The following WNT8A variants were observed in gnomAD, a reference collection of about 807,000 sequenced individuals.
The protein encoded by WNT8A is protein Wnt-8a.
A neutral mutation model predicts 20.5 loss-of-function variants in WNT8A; 14 were observed. The observed-to-expected ratio is 0.68, with a 90% CI of 0.45 to 1.07. The LOEUF is 1.07. WNT8A is among the 50% of genes least tolerant of loss of function. The probability of loss-of-function intolerance (pLI) is 0.00; values close to 1 mark genes in which losing one functional copy is unlikely to be tolerated. For synonymous variants in WNT8A, 167 were observed against 169.2 expected (o/e 0.99, Z 0.10); for missense variants, 397 against 462.9 (o/e 0.86, Z 1.31).
Position 138,090,463 on chromosome 5 carries a change from C to T in WNT8A, c.565-65C>T, listed in dbSNP as rs142036858. On this transcript the variant is annotated intron_variant, in intron 4 of 4. Transcript: ENST00000506684. The stretch of plus-strand genomic sequence containing the variant: ...AAGAAACACAGCTCTAAAACATTCC[C>T]TTTAATCACTAACCTTTGGTCTTCC... 1,029 of 1,437,172 alleles carry T rather than the reference C, an allele frequency of 7.2e-4. 6 individuals carry two copies. The Middle Eastern group carries it at 0.02, about 28-fold the overall frequency. The allele number at this position is 1,437,172 out of a possible 1,614,324, so 89.0% of individuals were successfully genotyped here. A position where few individuals can be genotyped will look rare whatever the true frequency, so the allele number is the denominator to read the frequency against.
chr5:138,092,309 A>G (rs1236587239), downstream of WNT8A: 1 of 152,256 alleles, frequency 6.6e-6, no homozygotes, highest in Non-Finnish European at 1.5e-5. Context: ...GACACTGGTC[A>G]ACAGGAAAAC....
chr5:138,079,473 T>A (rs577713962), upstream of WNT8A, among the ~76,000 whole-genome samples: 1 of 151,916 alleles, frequency 6.6e-6, no homozygotes, highest in East Asian at 1.9e-4. Context: ...CCATTATATC[T>A]ATATGACAGA....
In WNT8A at chr5:138,090,796, C is replaced by A; in HGVS notation, c.833C>A (p.Thr278Asn). Residue 278 changes from threonine to asparagine, a missense_variant, in exon 5 of 5, where the codon ACC becomes AAC. Coordinates refer to ENST00000506684, the MANE Select transcript of WNT8A (RefSeq NM_001300939.2). ...IFLEESPDYC[T>N]CNSSLGIYGT... is the part of the protein sequence containing the mutation. Reference sequence around the variant, plus strand: ...TTAGAGGAATCACCAGATTACTGTACCTGCAATTCCAGCCTGGGCATCTAT... The same window carrying A: ...TTAGAGGAATCACCAGATTACTGTAACTGCAATTCCAGCCTGGGCATCTAT... 6.2e-7 allele frequency: 1 copy of A among 1,614,214 alleles called. No individual in the cohort carries two copies. The highest frequency in any genetic ancestry group is 8.5e-7 in the Non-Finnish European group (1 of 1,180,046).
chr5:138,077,530 A>C, the WNT8A span, among the ~76,000 whole-genome samples: 1,244 of 152,274 alleles, frequency 8.2e-3, 19 homozygotes, highest in African/African-American at 0.028. Flanking sequence ...ATAAATGCAT[A>C]TTTCTCTGAA....
the WNT8A span, among the ~76,000 whole-genome samples, chr5:138,077,887 T>G: frequency 6.6e-6 from 1 of 152,076 alleles, no homozygotes; most frequent in Non-Finnish European, 1.5e-5. Flanking sequence ...AGAAACATAC[T>G]TGGCAACACA....
At position 138,084,599 on chromosome 5, in the gene WNT8A, T is replaced by C. The variant is rs1466101834; in HGVS notation, c.258T>C (p.Asn86=). ...FAWERWNCPE[N]ALQLSTHNRL... Reference sequence around the variant, plus strand: ...GGGAACGCTGGAACTGCCCTGAAAATGCTCTTCAGCTCTCCACCCACAACA... The same window carrying C: ...GGGAACGCTGGAACTGCCCTGAAAACGCTCTTCAGCTCTCCACCCACAACA... Residue 86 remains asparagine (N), a synonymous_variant, in exon 2 of 5, where the codon AAT becomes AAC. Transcript: ENST00000506684. The C allele has an allele frequency of 6.2e-7, 1 of 1,613,192 alleles. No individual in the cohort carries two copies. The highest frequency in any genetic ancestry group is 1.7e-5 in the Admixed American group (1 of 59,862).
chr5:138,086,689 G>A (rs769744495), intron 2 of WNT8A, among the ~76,000 whole-genome samples: 6 of 151,120 alleles, frequency 4.0e-5, no homozygotes, highest in Admixed American at 2.6e-4. Context: ...GATTGCTTGC[G>A]CCCAGGAGTT....
At chr5:138,082,555 G>A (rs1750534638), upstream of WNT8A, among the ~76,000 whole-genome samples, 1 of 151,488 alleles carries the variant, frequency 6.6e-6, no homozygotes. Flanking sequence ...TCCAGCCCGG[G>A]TGACAAGAGT....
At chr5:138,085,328 G>T (rs1403955669) in intron 2 of WNT8A, among the ~76,000 whole-genome samples, 1 of 152,214 alleles carries the variant, frequency 6.6e-6, no homozygotes, top group Admixed American at 6.5e-5. Context: ...TGGGGAAAGG[G>T]CTGTGTGTTT....
At chr5:138,087,738 T>C (rs1750716894) in intron 2 of WNT8A, 68 bp from the exon 3 acceptor site, 7 of 1,553,882 alleles carry the variant, frequency 4.5e-6, no homozygotes, top group Non-Finnish European at 6.1e-6. Context: ...CAGTATTATT[T>C]TTCCAAAGCC....
chr5:138,090,956 C>T lies in WNT8A; in HGVS notation c.993C>T (p.Asn331=). The T allele has an allele frequency of 1.2e-6, 2 of 1,614,210 alleles. No homozygotes were observed. The change falls in exon 5 of 5, where the codon AAC becomes AAT. Residue 331 remains asparagine (N), a synonymous_variant. Coordinates refer to ENST00000506684, the MANE Select transcript of WNT8A (RefSeq NM_001300939.2). The part of the protein sequence containing the change: ...ERKTEVISSC[N]CKFQWCCTVK... ...AAACTGAGGTCATAAGCAGCTGTAA[C>T]TGCAAATTCCAGTGGTGCTGTACGG...
intron 2 of WNT8A, among the ~76,000 whole-genome samples, chr5:138,086,851 A>G (rs1379541765): frequency 1.4e-5 from 2 of 147,990 alleles, no homozygotes; most frequent in Admixed American, 1.4e-4. Flanking sequence ...TCTGGCCAAC[A>G]TGGTGAAACC....
chr5:138,091,838 A>ACACTCCAGCCTGGGCAACAG (rs71765841), downstream of WNT8A, among the ~76,000 whole-genome samples: 4 of 136,214 alleles, frequency 2.9e-5, no homozygotes, highest in Admixed American at 7.7e-5. Context: ...AAAATAAATA[A>ACACTCCAGCCTGGGCAACAG]ATAAATAAAT....
downstream of WNT8A, chr5:138,091,591 TTATCCCCCAAG>T: frequency 5.1e-6 from 5 of 985,732 alleles, no homozygotes; most frequent in South Asian, 7.5e-5. Context: ...GTTGGATTTT[TTATCCCCCAAG>T]TATGCACTTT....
chr5:138,090,563 T>G lies in WNT8A; in HGVS notation c.600T>G (p.Cys200Trp). 1 of 1,614,144 alleles carries G rather than the reference T, an allele frequency of 6.2e-7. No individual in the cohort carries two copies. The highest frequency in any genetic ancestry group is 2.2e-5 in the East Asian group (1 of 44,890). Residue 200 changes from cysteine (C) to tryptophan (W), a missense_variant, in exon 5 of 5, where the codon TGT becomes TGG. Cys to Trp is a radical substitution (Grantham distance 215). Transcript: ENST00000506684. ...CCACCATGAAAAGGACATGCAAATG[T>G]CATGGCATCTCTGGGAGCTGCAGCA... ...VRATMKRTCK[C>W]HGISGSCSIQ...
chr5:138,085,646 C>T (rs561622054), intron 2 of WNT8A, among the ~76,000 whole-genome samples: 2 of 151,944 alleles, frequency 1.3e-5, no homozygotes, highest in African/African-American at 2.4e-5. Context: ...TTCAGGAGTT[C>T]GAGACCAGCC....
At chr5:138,078,395 C>T in the WNT8A span, among the ~76,000 whole-genome samples, 1 of 152,202 alleles carries the variant, frequency 6.6e-6, no homozygotes, top group Non-Finnish European at 1.5e-5. Flanking sequence ...TCCACCCCCT[C>T]TCTACTCCCT....
upstream of WNT8A, among the ~76,000 whole-genome samples, chr5:138,083,069 C>T (rs543101030): frequency 2.0e-5 from 3 of 151,952 alleles, no homozygotes; most frequent in East Asian, 3.9e-4. Flanking sequence ...ATCACTTGAG[C>T]CCAGGAGTTC....
upstream of WNT8A, among the ~76,000 whole-genome samples, chr5:138,081,797 T>G (rs1186069696): frequency 6.6e-6 from 1 of 152,134 alleles, no homozygotes; most frequent in Non-Finnish European, 1.5e-5. Flanking sequence ...AGCCCAAATT[T>G]CCTCCTAGGT....
Sources: allele counts gnomAD v4.1 joint callset (sites outside exome capture counted in the v4.1 genomes callset), GRCh38; gene constraint gnomAD v4.1.1; transcripts MANE v1.5; gene names NCBI Gene and HGNC (gene_info 2026-07-23, HGNC 2026-07-21).